The following STK17B variants were observed in gnomAD, a reference collection of about 807,000 sequenced individuals.
The protein encoded by STK17B is serine/threonine-protein kinase 17B.
Under a neutral mutation model 42.0 loss-of-function variants are expected in STK17B, and 21 were observed. That is an observed-to-expected ratio of 0.50 (90% CI 0.35 to 0.72). The LOEUF (loss-of-function observed/expected upper bound fraction) is 0.72. Ranked by LOEUF, STK17B falls within the 30% of genes least tolerant of loss-of-function variation. STK17B has a pLI of 0.00. For missense variants in STK17B, 349 were observed against 446.0 expected (o/e 0.78, Z 1.96); for synonymous variants, 143 against 148.4 (o/e 0.96, Z 0.26).
At chr2:196,139,540 A>C in intron 7 of STK17B, 80 bp downstream of exon 7, 1 of 892,628 alleles carries the variant, frequency 1.1e-6, no homozygotes, top group Non-Finnish European at 1.5e-6. Flanking sequence ...ATACTTTCTT[A>C]ATAGGTATAT....
upstream of STK17B, among the ~76,000 whole-genome samples, chr2:196,172,403 CATACAT>C (rs16836093): frequency 3.9e-5 from 6 of 152,328 alleles, no homozygotes; most frequent in East Asian, 1.2e-3. Context: ...CACACATACT[CATACAT>C]ATATGGGATT....
intron 2 of STK17B, 30 bp downstream of exon 2, chr2:196,163,232 G>C: frequency 6.2e-7 from 1 of 1,601,884 alleles, no homozygotes; most frequent in Non-Finnish European, 8.5e-7. Flanking sequence ...TTTGAATTTA[G>C]ATGGCATACA....
intron 5 of STK17B, among the ~76,000 whole-genome samples, chr2:196,141,582 C>A (rs1699494490): frequency 6.6e-6 from 1 of 152,118 alleles, no homozygotes; most frequent in African/African-American, 2.4e-5. Context: ...TCCCTTGAAC[C>A]CGGGAGGCAT....
chr2:196,161,169 A>G (rs1699807293), intron 2 of STK17B, among the ~76,000 whole-genome samples: 1 of 152,192 alleles, frequency 6.6e-6, no homozygotes, highest in African/African-American at 2.4e-5. Flanking sequence ...GGGAAATTAT[A>G]GGAAAGATTG....
chr2:196,142,953 G>A (rs79750729), intron 5 of STK17B, among the ~76,000 whole-genome samples: 9 of 152,234 alleles, frequency 5.9e-5, no homozygotes, highest in Non-Finnish European at 1.0e-4. Flanking sequence ...CCTTTCATAT[G>A]CATAATCTAA....
chr2:196,152,891 T>C (rs996873373), intron 3 of STK17B, among the ~76,000 whole-genome samples: 1 of 152,190 alleles, frequency 6.6e-6, no homozygotes, highest in Non-Finnish European at 1.5e-5. Context: ...GATTTTGCAG[T>C]ACAGGGGATA....
chr2:196,147,239 CT>C (rs987876822), intron 3 of STK17B, among the ~76,000 whole-genome samples: 1 of 152,040 alleles, frequency 6.6e-6, no homozygotes, highest in Non-Finnish European at 1.5e-5. Context: ...GTAACTCACT[CT>C]GGAAAATACT....
chr2:196,139,561 CTGTAATAGTATTTAAACAAATTAAATT>C, intron 7 of STK17B, 32 bp downstream of exon 7: 1 of 1,078,364 alleles, frequency 9.3e-7, no homozygotes. Flanking sequence ...ATTATTTATT[CTGTAATAGTATTTAAACAAATTAAATT>C]TGTAATAGTA....
At chr2:196,150,461 T>C (rs987412383) in intron 3 of STK17B, among the ~76,000 whole-genome samples, 3 of 152,216 alleles carry the variant, frequency 2.0e-5, no homozygotes, top group Non-Finnish European at 4.4e-5. Context: ...CTATGTGCTA[T>C]ATATTATCTA....
chr2:196,147,054 T>C (rs534893719), intron 3 of STK17B, among the ~76,000 whole-genome samples: 73 of 152,298 alleles, frequency 4.8e-4, no homozygotes, highest in African/African-American at 1.5e-3. Flanking sequence ...TTAGGGTCAG[T>C]TACTTATAGT....
rs375465273 is a variant in STK17B at position 196,137,597 on chromosome 2, G to A, written c.969C>T (p.Asp323=). ...CATTACAGGAGGATTTAGAAGTCTT[G>A]TCTTCAGAGGACCTTACAGAATGAT... The part of the protein sequence containing the change: ...TQDHSVRSSE[D]KTSKSSCNGT... The change falls in exon 8 of 8, where the codon GAC becomes GAT. Residue 323 remains aspartate, a synonymous_variant. Coordinates refer to ENST00000263955, the MANE Select transcript of STK17B (RefSeq NM_004226.4). 2 of 1,613,976 alleles carry A rather than the reference G, an allele frequency of 1.2e-6. No individual in the cohort carries two copies. Among genetic ancestry groups the A allele is most frequent in the Non-Finnish European group, 1.7e-6 (2 of 1,180,014 alleles).
At chr2:196,163,195 T>C (rs758555614) in intron 2 of STK17B, 67 bp downstream of exon 2, 199 of 1,552,724 alleles carry the variant, frequency 1.3e-4, no homozygotes, top group Middle Eastern at 2.4e-4. Context: ...GTGAGTTTTA[T>C]AGAATTATAA....
intron 4 of STK17B, 115 bp from the exon 5 acceptor site, chr2:196,143,801 C>CAGTAA: frequency 1.0e-6 from 1 of 1,002,892 alleles, no homozygotes; most frequent in Non-Finnish European, 1.3e-6. Context: ...TTCATTGAGT[C>CAGTAA]ATGCATCAAA....
intron 2 of STK17B, among the ~76,000 whole-genome samples, chr2:196,162,625 C>G (rs1699826476): frequency 1.3e-5 from 2 of 152,010 alleles, no homozygotes; most frequent in Non-Finnish European, 2.9e-5. Context: ...AGGCAGGGCG[C>G]AGGGGCTCAC....
At chr2:196,154,487 C>A (rs1699712678) in intron 3 of STK17B, 1 of 152,174 alleles carries the variant, frequency 6.6e-6, no homozygotes, top group Non-Finnish European at 1.5e-5. Flanking sequence ...ATAATACCTA[C>A]AACTTTCAAA....
upstream of STK17B, among the ~76,000 whole-genome samples, chr2:196,172,011 G>C (rs1408538556): frequency 1.3e-5 from 2 of 152,204 alleles, no homozygotes; most frequent in African/African-American, 4.8e-5. Flanking sequence ...GCCTACCAAA[G>C]ACCTATTTTC....
intron 2 of STK17B, among the ~76,000 whole-genome samples, chr2:196,157,814 G>A (rs765118452): frequency 7.2e-5 from 11 of 152,026 alleles, no homozygotes; most frequent in Non-Finnish European, 1.6e-4. Context: ...AGTCTACAGC[G>A]GCCAAAAATT....
intron 2 of STK17B, among the ~76,000 whole-genome samples, chr2:196,161,511 CTTT>C (rs71009086): frequency 5.8e-5 from 4 of 69,522 alleles, no homozygotes; most frequent in Non-Finnish European, 9.9e-5. Flanking sequence ...TATTATAATT[CTTT>C]TTTTTTTTTT....
chr2:196,140,784 C>CT (rs1449583636), intron 6 of STK17B, among the ~76,000 whole-genome samples: 3 of 151,950 alleles, frequency 2.0e-5, no homozygotes, highest in Non-Finnish European at 4.4e-5. Context: ...AGGCTGGTCT[C>CT]TAACTCCTGA....
Sources: allele counts gnomAD v4.1 joint callset (sites outside exome capture counted in the v4.1 genomes callset), GRCh38; gene constraint gnomAD v4.1.1; transcripts MANE v1.5; gene names NCBI Gene and HGNC (gene_info 2026-07-23, HGNC 2026-07-21).